Variants in PTPN9 observed in about 807,000 individuals in gnomAD.
PTPN9 encodes tyrosine-protein phosphatase non-receptor type 9.
PTPN9 carries 26 observed loss-of-function variants against 69.8 expected under a neutral mutation model. The ratio of observed to expected loss-of-function variants is 0.37; its 90% CI spans 0.27 to 0.52. The LOEUF is 0.52. PTPN9 is among the 20% of genes least tolerant of loss of function. The pLI is 0.91. For synonymous variants in PTPN9, 274 were observed against 272.5 expected (o/e 1.01, Z -0.05); for missense variants, 549 against 740.3 (o/e 0.74, Z 3.00).
chr15:75,542,837 T>A (rs2075014966), intron 1 of PTPN9, among the ~76,000 whole-genome samples: 1 of 151,486 alleles, frequency 6.6e-6, no homozygotes, highest in South Asian at 2.1e-4. Context: ...ATCCCTTCAT[T>A]TTTTTTTTGG....
chr15:75,558,368 G>A (rs778051899), intron 1 of PTPN9, among the ~76,000 whole-genome samples: 1 of 151,972 alleles, frequency 6.6e-6, no homozygotes, highest in African/African-American at 2.4e-5. Flanking sequence ...TTAGCTGGGC[G>A]TGGTGGCACA....
intron 1 of PTPN9, among the ~76,000 whole-genome samples, chr15:75,544,733 C>T (rs1253195396): frequency 6.6e-6 from 1 of 151,978 alleles, no homozygotes; most frequent in African/African-American, 2.4e-5. Flanking sequence ...CCAGAAGAAA[C>T]CTGTAAAGTC....
intron 1 of PTPN9, among the ~76,000 whole-genome samples, chr15:75,552,647 T>C (rs1036633602): frequency 6.6e-6 from 1 of 151,640 alleles, no homozygotes; most frequent in African/African-American, 2.4e-5. Flanking sequence ...TAGGATAAGC[T>C]ATGCTCAGTA....
At chr15:75,567,658 CAG>C (rs527306529) in intron 1 of PTPN9, among the ~76,000 whole-genome samples, 81 of 152,228 alleles carry the variant, frequency 5.3e-4, no homozygotes, top group African/African-American at 1.9e-3. Flanking sequence ...TTTGGTATTT[CAG>C]AGGAAACTGG....
At chr15:75,519,637 T>G (rs1406629291) in intron 4 of PTPN9, among the ~76,000 whole-genome samples, 1 of 151,194 alleles carries the variant, frequency 6.6e-6, no homozygotes, top group Non-Finnish European at 1.5e-5. Context: ...TTTCTTTACT[T>G]ATTTTTTAAT....
chr15:75,463,997 T>G lies in PTPN9; in HGVS notation c.*4772A>C, dbSNP rs2074526793. 2 of 152,168 alleles carry G rather than the reference T, an allele frequency of 1.3e-5. No individual in the cohort carries two copies. Among genetic ancestry groups the G allele is most frequent in the South Asian group, 4.1e-4 (2 of 4,830 alleles). The allele number at this position is 152,168 out of a possible 1,614,324, so 9.4% of individuals were successfully genotyped here. On this transcript the variant is annotated 3_prime_UTR_variant, in exon 13 of 13. Coordinates refer to ENST00000618819, the MANE Select transcript of PTPN9 (RefSeq NM_002833.4). Reference sequence around the variant, plus strand: ...CTGAGAAACCCTGTAGACCCCACATTAAGAAACAGGGAAACTTTAAAGGCC... The same window carrying G: ...CTGAGAAACCCTGTAGACCCCACATGAAGAAACAGGGAAACTTTAAAGGCC...
At chr15:75,531,318 G>C (rs1414641003) in intron 1 of PTPN9, among the ~76,000 whole-genome samples, 3 of 152,034 alleles carry the variant, frequency 2.0e-5, no homozygotes, top group Non-Finnish European at 4.4e-5. Context: ...AGGCCATGAA[G>C]AAAAGCTTTC....
chr15:75,523,315 T>C (rs896772818), intron 3 of PTPN9, 70 bp from the exon 4 acceptor site: 4 of 1,513,152 alleles, frequency 2.6e-6, no homozygotes, highest in Non-Finnish European at 3.6e-6. Flanking sequence ...AAGACTTATA[T>C]ACTGGATAAG....
chr15:75,503,361 A>G (rs1164857018), intron 7 of PTPN9, among the ~76,000 whole-genome samples: 38 of 135,624 alleles, frequency 2.8e-4, no homozygotes, highest in African/African-American at 7.5e-4. Context: ...GTCTCTGCCC[A>G]GCCGCCCCGT....
intron 1 of PTPN9, among the ~76,000 whole-genome samples, chr15:75,545,787 A>G (rs2075029824): frequency 1.3e-5 from 2 of 152,194 alleles, no homozygotes; most frequent in African/African-American, 2.4e-5. Context: ...CGTCTCTACT[A>G]AAAATACAAA....
In PTPN9 at chr15:75,551,020, G is replaced by C. The variant is rs576271420; in HGVS notation, c.64-23759C>G. 5.9e-5 allele frequency among the ~76,000 whole-genome samples: 9 copies of C among 152,298 alleles called. No individual in the cohort carries two copies. The South Asian group carries it at 6.2e-4, about 11-fold the overall frequency. On this transcript the variant is annotated intron_variant, in intron 1 of 12. Coordinates refer to ENST00000618819, the MANE Select transcript of PTPN9 (RefSeq NM_002833.4). ...GACCAATGTTTACTGAGTGCTTATA[G>C]TGTGCTGGGCCATGAGGCAAGTACT...
intron 8 of PTPN9, 128 bp downstream of exon 8, chr15:75,490,080 A>ATC: frequency 1.3e-6 from 1 of 761,202 alleles, no homozygotes; most frequent in Non-Finnish European, 2.2e-6. Context: ...GTAGCAAAAT[A>ATC]TAAACTCAAA....
Position 75,467,160 on chromosome 15 carries a change from A to G in PTPN9, c.*1609T>C, listed in dbSNP as rs2074539935. ...CGGTATATTTATATGTAAATACAAA[A>G]CTGTATCACTGTAAGATATTGAATA... On this transcript the variant is annotated 3_prime_UTR_variant, in exon 13 of 13. Coordinates refer to ENST00000618819, the MANE Select transcript of PTPN9 (RefSeq NM_002833.4). The G allele has an allele frequency of 6.6e-6, 1 of 152,624 alleles. No individual in the cohort carries two copies. The highest frequency in any genetic ancestry group is 2.4e-5 in the African/African-American group (1 of 41,454). The allele number at this position is 152,624 out of a possible 1,614,324, so 9.5% of individuals were successfully genotyped here.
rs2141667536 is a variant in PTPN9 at position 75,468,093 on chromosome 15, A to G, written c.*676T>C. 6.5e-6 allele frequency: 1 copy of G among 152,802 alleles called. No individual in the cohort carries two copies. The highest frequency in any genetic ancestry group is 6.5e-5 in the Admixed American group (1 of 15,298). 9.5% of individuals were successfully genotyped at this position (152,802 alleles called of 1,614,324 possible). A position where few individuals can be genotyped will look rare whatever the true frequency, so the allele number is the denominator to read the frequency against. ...TAGTCCAGGATAAATAGTAGGGTCCAAGAAGCAAGGAGTCCTGAACTGCAA... is the reference window on the plus strand; with the variant it reads ...TAGTCCAGGATAAATAGTAGGGTCCGAGAAGCAAGGAGTCCTGAACTGCAA... On this transcript the variant is annotated 3_prime_UTR_variant, in exon 13 of 13. Coordinates refer to ENST00000618819, the MANE Select transcript of PTPN9 (RefSeq NM_002833.4).
chr15:75,497,930 C>T (rs2074752124), intron 7 of PTPN9, among the ~76,000 whole-genome samples: 1 of 152,110 alleles, frequency 6.6e-6, no homozygotes, highest in African/African-American at 2.4e-5. Flanking sequence ...TGGCTCATGC[C>T]TGTAATCCCA....
At chr15:75,482,193 C>G (rs951036380) in intron 8 of PTPN9, among the ~76,000 whole-genome samples, 1 of 151,732 alleles carries the variant, frequency 6.6e-6, no homozygotes, top group African/African-American at 2.4e-5. Flanking sequence ...TGTGCTGTGT[C>G]CACTCAGGGT....
chr15:75,578,844 C>A lies in PTPN9; in HGVS notation c.-68G>T, dbSNP rs2075186462. 9.2e-7 allele frequency: 1 copy of A among 1,085,600 alleles called. No individual in the cohort carries two copies. The highest frequency in any genetic ancestry group is 3.6e-4 in the Middle Eastern group (1 of 2,814). The allele number at this position is 1,085,600 out of a possible 1,614,324, so 67.2% of individuals were successfully genotyped here. A position where few individuals can be genotyped will look rare whatever the true frequency, so the allele number is the denominator to read the frequency against. ...CGCGGGAGCCCGGCGCGCTCGGCCT[C>A]CGCTTCCGCGTCCCCGCGCCTCAGC... On this transcript the variant is annotated 5_prime_UTR_variant, in exon 1 of 13. Transcript: ENST00000618819.
At chr15:75,473,882 T>A in intron 9 of PTPN9, 115 bp from the exon 10 acceptor site, 1 of 757,126 alleles carries the variant, frequency 1.3e-6, no homozygotes, top group Non-Finnish European at 2.3e-6. Flanking sequence ...GTTAGCTCCC[T>A]GCTCATCTTT....
chr15:75,512,480 A>G (rs1211267042), intron 5 of PTPN9, among the ~76,000 whole-genome samples: 1 of 152,194 alleles, frequency 6.6e-6, no homozygotes, highest in African/African-American at 2.4e-5. Flanking sequence ...GATTTAAGTC[A>G]CTGGAGCCAG....
Sources: gnomAD v4.1 joint callset for allele counts (sites outside exome capture counted in the v4.1 genomes callset) on GRCh38, gnomAD v4.1.1 for gene constraint, MANE v1.5 for transcripts, NCBI Gene and HGNC (gene_info 2026-07-23, HGNC 2026-07-21) for gene names.